ALG5: variants seen among roughly 807,000 people sequenced by gnomAD.
ALG5 encodes the protein ALG5 dolichyl-phosphate beta-glucosyltransferase.
A neutral mutation model predicts 51.8 loss-of-function variants in ALG5; 26 were observed. The observed-to-expected ratio is 0.50, with a 90% CI of 0.37 to 0.70. The LOEUF (loss-of-function observed/expected upper bound fraction) is 0.70. Ranked by LOEUF, ALG5 falls within the 30% of genes least tolerant of loss-of-function variation. The pLI, the probability that ALG5 is intolerant of heterozygous loss-of-function variation, is 0.00. For synonymous variants in ALG5, 141 were observed against 136.1 expected (o/e 1.04, Z -0.25); for missense variants, 311 against 399.3 (o/e 0.78, Z 1.88).
At position 36,995,506 on chromosome 13, in the gene ALG5, T is replaced by G. The variant is rs1306069986; in HGVS notation, c.157A>C (p.Lys53Gln). 9 of 1,607,942 alleles carry G rather than the reference T, an allele frequency of 5.6e-6. No homozygotes were observed. The South Asian group carries it at 9.0e-5, about 16-fold the overall frequency. The change falls in exon 2 of 10, where the codon AAA (lysine) becomes CAA (glutamine). Residue 53 changes from lysine (K) to glutamine (Q), a missense_variant. Coordinates refer to ENST00000239891, the MANE Select transcript of ALG5 (RefSeq NM_013338.5). ...EKFFLNAKGQKETLPSIWDSP... is the reference protein window; with the variant it reads ...EKFFLNAKGQQETLPSIWDSP... ...TCCCATATGCTGGGTAAAGTTTCTT[T>G]CTGGCCTTTGGCATTTAAGAAGAAT...
At chr13:36,977,598 C>T (rs1270014874) in intron 6 of ALG5, among the ~76,000 whole-genome samples, 1 of 151,768 alleles carries the variant, frequency 6.6e-6, no homozygotes, top group Non-Finnish European at 1.5e-5. Flanking sequence ...TCAAGACCAG[C>T]CTGGCCAACA....
intron 6 of ALG5, among the ~76,000 whole-genome samples, chr13:36,977,056 C>T (rs902044973): frequency 6.6e-6 from 1 of 152,150 alleles, no homozygotes; most frequent in Non-Finnish European, 1.5e-5. Flanking sequence ...CTTTCTTTTA[C>T]AAATCTCGTT....
At chr13:36,971,738 T>C (rs1210646308) in intron 7 of ALG5, among the ~76,000 whole-genome samples, 1 of 150,220 alleles carries the variant, frequency 6.7e-6, no homozygotes, top group Non-Finnish European at 1.5e-5. Context: ...TAAAAAGAAC[T>C]GCTTCCATCC....
At chr13:36,957,619 T>C (rs972600593) in intron 8 of ALG5, among the ~76,000 whole-genome samples, 2 of 152,144 alleles carry the variant, frequency 1.3e-5, no homozygotes, top group African/African-American at 4.8e-5. Context: ...CCATCTTGCA[T>C]GGCCTGCTCT....
chr13:36,949,856 ATTTCAGC>A lies in ALG5; in HGVS notation c.*79_*85del. On this transcript the variant is annotated 3_prime_UTR_variant, in exon 10 of 10. Transcript: ENST00000239891. ...AAAGGCAGACAATGACAAGAAGTTT[ATTTCAGC>A]TTTACTTAAAATTTTAGTTTCAAAT... 1 of 738,732 alleles carries A rather than the reference ATTTCAGC, an allele frequency of 1.4e-6. No homozygotes were observed. The highest frequency in any genetic ancestry group is 2.1e-6 in the Non-Finnish European group (1 of 477,682). The allele number at this position is 738,732 out of a possible 1,614,324, so 45.8% of individuals were successfully genotyped here.
intron 4 of ALG5, among the ~76,000 whole-genome samples, chr13:36,990,748 C>T (rs2059021803): frequency 2.2e-5 from 1 of 46,064 alleles, no homozygotes; most frequent in African/African-American, 4.4e-5. Context: ...TCATCATCTA[C>T]TAAGTTGCTC....
In ALG5 at chr13:36,965,700, C is replaced by A; in HGVS notation, c.648G>T (p.Met216Ile). 6.2e-7 allele frequency: 1 copy of A among 1,613,894 alleles called. No homozygotes were observed. Among genetic ancestry groups the A allele is most frequent in the Non-Finnish European group, 8.5e-7 (1 of 1,179,886 alleles). ...ACCACACCAGAAAGTGGAACCCATA[C>A]ATGAGAAGAGTACGGAAGTAAGAAC... ...AQRSYFRTLL[M>I]YGFHFLVWFL... Residue 216 changes from methionine (M) to isoleucine (I), a missense_variant, in exon 8 of 10, where the codon ATG becomes ATT. Met to Ile is a conservative substitution (Grantham distance 10). Transcript: ENST00000239891.
At chr13:36,997,375 A>AG (rs1398763518) in intron 1 of ALG5, among the ~76,000 whole-genome samples, 1 of 145,494 alleles carries the variant, frequency 6.9e-6, no homozygotes, top group African/African-American at 2.5e-5. Flanking sequence ...CAGGAGGCTG[A>AG]GGCAGGAGAA....
At chr13:36,970,603 AAAACAAAAAAAAC>A (rs1192231122) in intron 7 of ALG5, among the ~76,000 whole-genome samples, 1 of 150,036 alleles carries the variant, frequency 6.7e-6, no homozygotes, top group Non-Finnish European at 1.5e-5. Flanking sequence ...CTGTCTCATA[AAAACAAAAAAAAC>A]AAACAAAAAA....
intron 6 of ALG5, among the ~76,000 whole-genome samples, chr13:36,985,248 A>G (rs1372167261): frequency 6.6e-6 from 1 of 151,812 alleles, no homozygotes; most frequent in Non-Finnish European, 1.5e-5. Flanking sequence ...GCTGCTTGTG[A>G]TTTTGTTTGT....
intron 8 of ALG5, among the ~76,000 whole-genome samples, chr13:36,958,164 T>A (rs1014312410): frequency 2.0e-5 from 3 of 152,040 alleles, no homozygotes; most frequent in Non-Finnish European, 4.4e-5. Context: ...ATTTTCCTCC[T>A]TACTGTTCTC....
At chr13:36,989,179 CA>C (rs1320230082) in intron 5 of ALG5, among the ~76,000 whole-genome samples, 1 of 152,134 alleles carries the variant, frequency 6.6e-6, no homozygotes, top group East Asian at 1.9e-4. Context: ...ATACAAAAAA[CA>C]TTTTTTAAAC....
chr13:36,977,286 A>G (rs1248416521), intron 6 of ALG5, among the ~76,000 whole-genome samples: 1 of 152,140 alleles, frequency 6.6e-6, no homozygotes, highest in East Asian at 1.9e-4. Context: ...TTTCTTTTAA[A>G]CCTCTTTTGG....
intron 5 of ALG5, 28 bp from the exon 6 acceptor site, chr13:36,985,768 A>C (rs2058999372): frequency 1.3e-6 from 2 of 1,505,830 alleles, no homozygotes; most frequent in Admixed American, 3.6e-5. Flanking sequence ...AAGTCAAAGA[A>C]AATTGGTTAA....
At chr13:36,969,386 G>A (rs1317692234) in intron 7 of ALG5, among the ~76,000 whole-genome samples, 1 of 145,446 alleles carries the variant, frequency 6.9e-6, no homozygotes, top group Non-Finnish European at 1.5e-5. Context: ...CCTTCACCAA[G>A]TAGATTATCC....
At chr13:36,964,955 T>C (rs1353779280) in intron 8 of ALG5, among the ~76,000 whole-genome samples, 1 of 143,814 alleles carries the variant, frequency 7.0e-6, no homozygotes, top group South Asian at 2.2e-4. Context: ...TGGAAGAAAA[T>C]CCATATGAAG....
At chr13:36,991,294 G>A (rs541966553) in intron 4 of ALG5, among the ~76,000 whole-genome samples, 5 of 151,196 alleles carry the variant, frequency 3.3e-5, no homozygotes, top group South Asian at 4.1e-4. Context: ...ACCTTCCCCC[G>A]GGAAAAAGAA....
At position 36,961,231 on chromosome 13, in the gene ALG5, G is replaced by A. The variant is rs566065660; in HGVS notation, c.773+4344C>T. Among the ~76,000 whole-genome samples, 37 of 151,956 alleles carry A rather than the reference G, an allele frequency of 2.4e-4. 1 individual carries two copies. Among genetic ancestry groups the A allele is most frequent in the African/African-American group, 8.9e-4 (37 of 41,452 alleles). ...AGGATTTTGGGACCAGCCTGGCAATGTGGCAAACTCTGTCTCTACAAAAAA... is the reference window on the plus strand; with the variant it reads ...AGGATTTTGGGACCAGCCTGGCAATATGGCAAACTCTGTCTCTACAAAAAA... On this transcript the variant is annotated intron_variant, in intron 8 of 9. Coordinates refer to ENST00000239891, the MANE Select transcript of ALG5 (RefSeq NM_013338.5).
At chr13:36,986,243 A>T (rs1264210272) in intron 5 of ALG5, among the ~76,000 whole-genome samples, 1 of 152,220 alleles carries the variant, frequency 6.6e-6, no homozygotes, top group East Asian at 1.9e-4. Flanking sequence ...TTAAAGAAAT[A>T]AAAAGTGTCA....
Sources: gnomAD v4.1 joint callset for allele counts (sites outside exome capture counted in the v4.1 genomes callset) on GRCh38, gnomAD v4.1.1 for gene constraint, MANE v1.5 for transcripts, NCBI Gene and HGNC (gene_info 2026-07-23, HGNC 2026-07-21) for gene names.